The following G3BP2 variants were observed in gnomAD, a reference collection of about 807,000 sequenced individuals.
G3BP2 encodes ras GTPase-activating protein-binding protein 2.
G3BP2 carries 11 observed loss-of-function variants against 56.7 expected under a neutral mutation model. That is an observed-to-expected ratio of 0.19 (90% confidence interval 0.12 to 0.32). The LOEUF is 0.32. Among genes scored for constraint, G3BP2 ranks in the 10% least tolerant of loss-of-function variants. The pLI is 1.00. For synonymous variants in G3BP2, 165 were observed against 191.6 expected, an observed-to-expected ratio of 0.86 and a Z score of 1.15; for missense variants, 340 against 610.9, an observed-to-expected ratio of 0.56 and a Z score of 4.67.
At chr4:75,668,985 T>C (rs1248498047) in intron 1 of G3BP2, among the ~76,000 whole-genome samples, 1 of 152,212 alleles carries the variant, frequency 6.6e-6, no homozygotes, top group Admixed American at 6.5e-5. Flanking sequence ...AATGCAATTC[T>C]CTGGAAACAT....
intron 9 of G3BP2, among the ~76,000 whole-genome samples, chr4:75,648,009 G>A (rs1731358012): frequency 1.3e-5 from 2 of 152,256 alleles, no homozygotes; most frequent in Admixed American, 1.3e-4. Context: ...AAAGAGATAA[G>A]ACTGCTAAGA....
chr4:75,683,433 G>A (rs554269098), intron 3 of G3BP2, among the ~76,000 whole-genome samples: 91 of 152,066 alleles, frequency 6.0e-4, no homozygotes, highest in African/African-American at 2.1e-3. Flanking sequence ...GCGTGGTGGC[G>A]TGTACCTGTA....
In G3BP2 at chr4:75,679,293, C is replaced by T. The variant is rs534256060; in HGVS notation, c.-24-17244G>A. On this transcript the variant is annotated intron_variant, in intron 3 of 3. Coordinates refer to the G3BP2 transcript ENST00000499709. ...GCTTTTTAATGCACAGAGAAACCTA[C>T]TCCCATGAGTAGGATGAATCCATTC... Among the ~76,000 whole-genome samples, 42 of 152,352 alleles carry T rather than the reference C, an allele frequency of 2.8e-4. No homozygotes were observed. The South Asian group carries it at 6.8e-3, about 25-fold the overall frequency.
chr4:75,659,653 T>C lies in G3BP2; in HGVS notation c.96-729A>G, dbSNP rs575292919. ...GCTTCCTTTATGCTAAGCAATGTTT[T>C]TAGTGTATTATGTGTACTGATTCAC... On this transcript the variant is annotated intron_variant, in intron 2 of 11. Transcript: ENST00000359707. 2.0e-5 allele frequency among the ~76,000 whole-genome samples: 3 copies of C among 152,332 alleles called. No homozygotes were observed. In the South Asian group the frequency reaches 6.2e-4, roughly 32 times the overall value.
At chr4:75,668,382 T>C (rs1392840575) in intron 1 of G3BP2, among the ~76,000 whole-genome samples, 1 of 152,226 alleles carries the variant, frequency 6.6e-6, no homozygotes, top group Non-Finnish European at 1.5e-5. Flanking sequence ...ATCACTACTA[T>C]AATGGGGCTG....
intron 3 of G3BP2, among the ~76,000 whole-genome samples, chr4:75,718,909 G>A (rs1368693667): frequency 6.6e-6 from 1 of 152,112 alleles, no homozygotes; most frequent in Non-Finnish European, 1.5e-5. Context: ...AAGGAGAGCA[G>A]AGTCCAGAAA....
intron 8 of G3BP2, among the ~76,000 whole-genome samples, chr4:75,651,542 A>C (rs2148961337): frequency 6.6e-6 from 1 of 152,358 alleles, no homozygotes; most frequent in African/African-American, 2.4e-5. Context: ...ATACAAGAAC[A>C]AAAAGCTAAC....
At chr4:75,698,996 G>A (rs1042796614) in intron 3 of G3BP2, among the ~76,000 whole-genome samples, 54 of 152,012 alleles carry the variant, frequency 3.6e-4, no homozygotes, top group Admixed American at 7.2e-4. Flanking sequence ...GGCCCAGAAC[G>A]TTGAAACTCT....
chr4:75,684,207 C>T (rs1041393439), intron 3 of G3BP2, among the ~76,000 whole-genome samples: 10 of 151,986 alleles, frequency 6.6e-5, no homozygotes, highest in Non-Finnish European at 1.5e-5. Flanking sequence ...CGTTTGAGAC[C>T]AGCCTGGCCA....
At chr4:75,692,329 T>A (rs1212257803) in intron 3 of G3BP2, among the ~76,000 whole-genome samples, 1 of 151,954 alleles carries the variant, frequency 6.6e-6, no homozygotes, top group Non-Finnish European at 1.5e-5. Flanking sequence ...TTTTTTTTTT[T>A]AAGACAGAGT....
chr4:75,660,121 A>C (rs1433679753), intron 2 of G3BP2, among the ~76,000 whole-genome samples: 1 of 152,190 alleles, frequency 6.6e-6, no homozygotes, highest in Non-Finnish European at 1.5e-5. Flanking sequence ...TCTAAAACAG[A>C]AGTCAGTTAC....
intron 4 of G3BP2, among the ~76,000 whole-genome samples, chr4:75,657,263 GA>G (rs2148983596): frequency 6.6e-6 from 1 of 152,214 alleles, no homozygotes; most frequent in African/African-American, 2.4e-5. Context: ...TAATAGAAAA[GA>G]AACCAAAAGA....
At position 75,655,811 on chromosome 4, in the gene G3BP2, G is replaced by T; in HGVS notation, c.502C>A (p.Gln168Lys). 6.2e-7 allele frequency: 1 copy of T among 1,603,848 alleles called. No homozygotes were observed. Among genetic ancestry groups the T allele is most frequent in the Non-Finnish European group, 8.5e-7 (1 of 1,170,784 alleles). ...TAGTAACCACTGTTAGCATTTTCTT[G>T]CACAGGTTCAGGAGATGGTTGTCTT... ...EERQPSPEPV[Q>K]ENANSGYYEA... Residue 168 changes from glutamine to lysine, a missense_variant, in exon 6 of 12, where the codon CAA becomes AAA. Coordinates refer to ENST00000359707, the MANE Select transcript of G3BP2 (RefSeq NM_203505.3).
At chr4:75,724,176 C>G (rs1184419171) in intron 1 of G3BP2, 2 of 152,618 alleles carry the variant, frequency 1.3e-5, no homozygotes, top group South Asian at 2.0e-4. Flanking sequence ...CAAACAAAGC[C>G]CTGTAAAGAA....
intron 3 of G3BP2, among the ~76,000 whole-genome samples, chr4:75,658,244 C>T (rs557589868): frequency 2.6e-5 from 4 of 152,188 alleles, no homozygotes; most frequent in Admixed American, 2.6e-4. Flanking sequence ...TAAAATACAT[C>T]AATGATATAA....
intron 3 of G3BP2, among the ~76,000 whole-genome samples, chr4:75,658,628 G>A (rs1440592835): frequency 6.6e-6 from 1 of 151,840 alleles, no homozygotes; most frequent in African/African-American, 2.4e-5. Flanking sequence ...TTGGGAGGCT[G>A]AGGCAGGAGA....
At chr4:75,648,520 TA>T in intron 9 of G3BP2, 118 bp downstream of exon 9, 1 of 510,246 alleles carries the variant, frequency 2.0e-6, no homozygotes, top group Non-Finnish European at 3.6e-6. Flanking sequence ...ATCACATCTT[TA>T]AGCAATTTGA....
intron 3 of G3BP2, among the ~76,000 whole-genome samples, chr4:75,691,419 G>T (rs1457177424): frequency 6.6e-6 from 1 of 152,050 alleles, no homozygotes; most frequent in Non-Finnish European, 1.5e-5. Context: ...ATGCTGGCCA[G>T]ACTGGTTTCA....
At chr4:75,694,969 G>A (rs1719042902) in intron 3 of G3BP2, 1 of 983,286 alleles carries the variant, frequency 1.0e-6, no homozygotes, top group Non-Finnish European at 1.2e-6. Context: ...TGTGAGAAGA[G>A]GTAATCGTCA....
Sources: gnomAD v4.1 joint callset for allele counts (sites outside exome capture counted in the v4.1 genomes callset) on GRCh38, gnomAD v4.1.1 for gene constraint, MANE v1.5 for transcripts, NCBI Gene and HGNC (gene_info 2026-07-23, HGNC 2026-07-21) for gene names.